Variants in KITLG observed in about 807,000 individuals in gnomAD.
The protein encoded by KITLG is KIT ligand, also known as c-Kit ligand.
In KITLG, 13 loss-of-function variants were observed where a neutral mutation model predicts 34.1. The ratio of observed to expected loss-of-function variants is 0.38; its 90% CI spans 0.25 to 0.61. The LOEUF (loss-of-function observed/expected upper bound fraction) is 0.61, where lower values mean the gene tolerates loss of function less well. Ranked by LOEUF, KITLG falls within the 20% of genes least tolerant of loss-of-function variation. The pLI, the probability that KITLG is intolerant of heterozygous loss-of-function variation, is 0.60. For synonymous variants in KITLG, 110 were observed against 104.0 expected (o/e 1.06, Z -0.35); for missense variants, 292 against 318.9 (o/e 0.92, Z 0.64).
intron 3 of KITLG, among the ~76,000 whole-genome samples, chr12:88,527,013 C>T (rs1324549713): frequency 3.3e-5 from 5 of 151,974 alleles, no homozygotes; most frequent in East Asian, 1.9e-4. Context: ...GGACTACAGG[C>T]GCCCGCCACC....
intron 2 of KITLG, among the ~76,000 whole-genome samples, chr12:88,538,340 G>C (rs987093786): frequency 1.3e-5 from 2 of 151,802 alleles, no homozygotes; most frequent in African/African-American, 4.8e-5. Flanking sequence ...TCTACCATCA[G>C]AACTCCACAG....
At chr12:88,530,766 T>C (rs769267633) in intron 3 of KITLG, among the ~76,000 whole-genome samples, 9 of 152,174 alleles carry the variant, frequency 5.9e-5, no homozygotes, top group Non-Finnish European at 1.5e-5. Flanking sequence ...AGATACATGT[T>C]CTAAGGAATT....
intron 1 of KITLG, among the ~76,000 whole-genome samples, chr12:88,561,026 T>C (rs1235661921): frequency 1.4e-5 from 2 of 146,302 alleles, no homozygotes; most frequent in East Asian, 2.0e-4. Context: ...TGTTTACTCA[T>C]GCACAGAGAA....
At chr12:88,511,847 T>C (rs946886164) in intron 6 of KITLG, among the ~76,000 whole-genome samples, 31 of 152,104 alleles carry the variant, frequency 2.0e-4, no homozygotes, top group African/African-American at 7.0e-4. Flanking sequence ...CTTTCCCTTG[T>C]ACCCAAGAAA....
intron 1 of KITLG, among the ~76,000 whole-genome samples, chr12:88,559,216 C>T (rs192240477): frequency 6.6e-6 from 1 of 152,316 alleles, no homozygotes; most frequent in African/African-American, 2.4e-5. Context: ...ATTTATCAGA[C>T]GCCCTTTAAG....
At chr12:88,497,672 T>C (rs1414609003) in intron 9 of KITLG, among the ~76,000 whole-genome samples, 1 of 152,180 alleles carries the variant, frequency 6.6e-6, no homozygotes, top group Non-Finnish European at 1.5e-5. Context: ...GGGAGAAGGA[T>C]TGACGAACAA....
chr12:88,544,734 C>A (rs1165006930), intron 2 of KITLG, among the ~76,000 whole-genome samples: 1 of 152,046 alleles, frequency 6.6e-6, no homozygotes, highest in African/African-American at 2.4e-5. Context: ...TATATTGAGG[C>A]TAAGCTAGCA....
chr12:88,558,801 T>C (rs1031489142), intron 1 of KITLG, among the ~76,000 whole-genome samples: 4 of 152,220 alleles, frequency 2.6e-5, no homozygotes, highest in African/African-American at 9.6e-5. Context: ...TGAGATATAA[T>C]ATTTTAGATA....
chr12:88,567,537 A>C (rs1399898770), intron 1 of KITLG, among the ~76,000 whole-genome samples: 8 of 152,236 alleles, frequency 5.3e-5, no homozygotes, highest in Non-Finnish European at 1.2e-4. Context: ...TCAAAGATGA[A>C]TCTGGACAAC....
intron 6 of KITLG, among the ~76,000 whole-genome samples, chr12:88,510,403 G>A (rs1869232770): frequency 1.3e-5 from 2 of 152,116 alleles, no homozygotes; most frequent in African/African-American, 4.8e-5. Flanking sequence ...CCAAGCACAT[G>A]TGTACTAACT....
intron 6 of KITLG, 94 bp downstream of exon 6, chr12:88,515,440 T>C: frequency 1.3e-6 from 1 of 763,032 alleles, no homozygotes; most frequent in Non-Finnish European, 2.3e-6. Flanking sequence ...GTATCAATAA[T>C]AATAAATGTA....
rs941911192 is a variant in KITLG, at chr12:88,496,219, T to C, written c.*1000A>G. ...ACCCATATTAGCATGTGGGCGTGGT[T>C]TTCTAACCTTAGATACTAAATGTCA... On this transcript the variant is annotated 3_prime_UTR_variant, in exon 10 of 10. Coordinates refer to ENST00000644744, the MANE Select transcript of KITLG (RefSeq NM_000899.5). The C allele has an allele frequency of 6.6e-6, 1 of 152,170 alleles. No individual in the cohort carries two copies. Among genetic ancestry groups the C allele is most frequent in the Admixed American group, 6.6e-5 (1 of 15,254 alleles). The allele number at this position is 152,170 out of a possible 1,614,324, so 9.4% of individuals were successfully genotyped here. A position where few individuals can be genotyped will look rare whatever the true frequency, so the allele number is the denominator to read the frequency against.
chr12:88,538,245 C>T (rs181434530), intron 2 of KITLG, among the ~76,000 whole-genome samples: 15 of 151,930 alleles, frequency 9.9e-5, no homozygotes, highest in Admixed American at 5.9e-4. Context: ...AAGAAATATT[C>T]CAGGAAAACT....
At chr12:88,528,856 A>C (rs1359953492) in intron 3 of KITLG, among the ~76,000 whole-genome samples, 2 of 152,216 alleles carry the variant, frequency 1.3e-5, no homozygotes, top group African/African-American at 4.8e-5. Flanking sequence ...ATTTAAAATT[A>C]TTTGCAAATA....
intron 2 of KITLG, among the ~76,000 whole-genome samples, chr12:88,543,202 G>T (rs1209022756): frequency 6.6e-6 from 1 of 151,988 alleles, no homozygotes; most frequent in Non-Finnish European, 1.5e-5. Flanking sequence ...ATGTTGCTTT[G>T]CTGCACCCAT....
chr12:88,560,316 T>C (rs886065000), intron 1 of KITLG, among the ~76,000 whole-genome samples: 1 of 152,260 alleles, frequency 6.6e-6, no homozygotes, highest in Non-Finnish European at 1.5e-5. Flanking sequence ...TTTATCTTTA[T>C]TGATCCCTTA....
chr12:88,549,973 T>C (rs1409560759), intron 1 of KITLG, among the ~76,000 whole-genome samples: 1 of 152,124 alleles, frequency 6.6e-6, no homozygotes, highest in Non-Finnish European at 1.5e-5. Context: ...CAAATGCCAG[T>C]TATAGGCCGA....
At chr12:88,561,086 C>G (rs190990551) in intron 1 of KITLG, among the ~76,000 whole-genome samples, 1 of 152,006 alleles carries the variant, frequency 6.6e-6, no homozygotes, top group Admixed American at 6.5e-5. Context: ...ATCAGACTGC[C>G]CATATCTTAA....
Position 88,495,458 on chromosome 12 carries a change from C to T in KITLG, c.*1761G>A, listed in dbSNP as rs570797441. ...ATGTGATATCTGAGGGCCTGAACAC[C>T]TTAATGCAGCTTCTCAAAGCACCTG... On this transcript the variant is annotated 3_prime_UTR_variant, in exon 10 of 10. Coordinates refer to ENST00000644744, the MANE Select transcript of KITLG (RefSeq NM_000899.5). 4 of 152,382 alleles carry T rather than the reference C, an allele frequency of 2.6e-5. No individual in the cohort carries two copies. Among genetic ancestry groups the T allele is most frequent in the Non-Finnish European group, 5.9e-5 (4 of 67,966 alleles). 9.4% of individuals were successfully genotyped at this position (152,382 alleles called of 1,614,324 possible).
Sources: allele counts gnomAD v4.1 joint callset (sites outside exome capture counted in the v4.1 genomes callset), GRCh38; gene constraint gnomAD v4.1.1; transcripts MANE v1.5; gene names NCBI Gene and HGNC (gene_info 2026-07-23, HGNC 2026-07-21).